GNAS: variants seen among roughly 807,000 people sequenced by gnomAD.
The protein encoded by GNAS is GNAS complex locus, also known as protein ALEX.
GNAS carries 8 observed loss-of-function variants against 54.5 expected under a neutral mutation model. The observed-to-expected ratio is 0.15, with a 90% CI of 0.09 to 0.26. The LOEUF is 0.26. Ranked by LOEUF, GNAS falls within the 10% of genes least tolerant of loss-of-function variation. The probability of loss-of-function intolerance (pLI) is 1.00; values close to 1 mark genes in which losing one functional copy is unlikely to be tolerated. For missense variants in GNAS, 170 were observed against 529.8 expected, an observed-to-expected ratio of 0.32 and a Z score of 6.67; for synonymous variants, 204 against 191.4, an observed-to-expected ratio of 1.07 and a Z score of -0.54.
At chr20:58,844,161 G>A (rs898054837) in intron 1 of GNAS, 1 of 152,132 alleles carries the variant, frequency 6.6e-6, no homozygotes, top group Non-Finnish European at 1.5e-5. Context: ...TCAAGAAGAG[G>A]GAAGCTTTTG....
chr20:58,850,437 T>G (rs1337866360), intron 1 of GNAS: 2 of 397,488 alleles, frequency 5.0e-6, no homozygotes, highest in African/African-American at 4.1e-5. Context: ...AAATGGTACT[T>G]TGGGGGTGAG....
chr20:58,860,951 C>T (rs374311520), intron 1 of GNAS, among the ~76,000 whole-genome samples: 7 of 152,198 alleles, frequency 4.6e-5, no homozygotes, highest in East Asian at 3.9e-4. Context: ...CATGAGCCAC[C>T]GTGCCCAGCC....
At chr20:58,854,341 C>A in intron 1 of GNAS, 2 of 1,588,524 alleles carry the variant, frequency 1.3e-6, no homozygotes, top group Non-Finnish European at 1.7e-6. Flanking sequence ...GAGGAAGCAG[C>A]AGAGATGGAA....
chr20:58,892,115 C>G (rs1600982119), intron 1 of GNAS: 4 of 968,340 alleles, frequency 4.1e-6, no homozygotes, highest in Non-Finnish European at 4.9e-6. Context: ...CCGGCCTGCC[C>G]GCTCAGTGTC....
At position 58,857,651 on chromosome 20, in the gene GNAS, T is replaced by C. The variant is rs2086574947; in HGVS notation, c.43+16765T>C. Among the ~76,000 whole-genome samples, 1 of 152,174 alleles carries C rather than the reference T, an allele frequency of 6.6e-6. No individual in the cohort carries two copies. The highest frequency in any genetic ancestry group is 2.4e-5 in the African/African-American group (1 of 41,424). On this transcript the variant is annotated intron_variant, in intron 1 of 12. Coordinates refer to the GNAS transcript ENST00000306090. The surrounding 1 kb of genome is among the most constrained non-coding windows in gnomAD (Gnocchi z 4.1). The stretch of plus-strand genomic sequence containing the variant: ...CTTTTGCACCATGATTTGAGTCTTC[T>C]ATTCTTCCTGGAGGTGGGGGGTGGA...
chr20:58,900,208 A>AT (rs140801161), intron 3 of GNAS: 533 of 551,564 alleles, frequency 9.7e-4, no homozygotes, highest in African/African-American at 9.3e-3. Context: ...GAAATGACTA[A>AT]TTGACAATCT....
At chr20:58,860,769 T>G (rs1600745567) in intron 1 of GNAS, among the ~76,000 whole-genome samples, 1 of 152,300 alleles carries the variant, frequency 6.6e-6, no homozygotes, top group East Asian at 1.9e-4. Flanking sequence ...CAAGGGATTC[T>G]CCTGCCTCAG....
intron 1 of GNAS, among the ~76,000 whole-genome samples, chr20:58,870,422 C>G (rs2087363546): frequency 6.6e-6 from 1 of 152,258 alleles, no homozygotes; most frequent in East Asian, 1.9e-4. Context: ...GTGGCTGCCT[C>G]TTTCCAACCT....
chr20:58,871,558 G>A (rs1249388157), intron 1 of GNAS, among the ~76,000 whole-genome samples: 2 of 146,230 alleles, frequency 1.4e-5, no homozygotes, highest in Non-Finnish European at 3.0e-5. Context: ...GGTTTGCAGT[G>A]AGCCGAGATT....
intron 1 of GNAS, among the ~76,000 whole-genome samples, chr20:58,860,053 G>A (rs1235460653): frequency 1.3e-5 from 2 of 152,198 alleles, no homozygotes; most frequent in Non-Finnish European, 2.9e-5. Context: ...ATTATTCTAA[G>A]TATACTATGT....
chr20:58,893,391 TC>T (rs1348849980), intron 1 of GNAS, among the ~76,000 whole-genome samples: 1 of 152,224 alleles, frequency 6.6e-6, no homozygotes, highest in Non-Finnish European at 1.5e-5. Context: ...ATGGAAGTTT[TC>T]CACTTCCTTG....
At chr20:58,847,228 A>G (rs991955655) in intron 1 of GNAS, among the ~76,000 whole-genome samples, 1 of 151,696 alleles carries the variant, frequency 6.6e-6, no homozygotes, top group Admixed American at 6.6e-5. Flanking sequence ...GTATTTTCAT[A>G]AAGACTTTTT....
chr20:58,872,905 T>C (rs1478957171), intron 1 of GNAS, among the ~76,000 whole-genome samples: 1 of 152,170 alleles, frequency 6.6e-6, no homozygotes, highest in Non-Finnish European at 1.5e-5. Context: ...CAAAATTTCA[T>C]CCTAATTTGT....
At chr20:58,902,584 C>T (rs1293549456) in intron 3 of GNAS, among the ~76,000 whole-genome samples, 1 of 152,046 alleles carries the variant, frequency 6.6e-6, no homozygotes, top group African/African-American at 2.4e-5. Context: ...GATCTGACCT[C>T]CCCTCCCCCT....
upstream of GNAS, chr20:58,889,330 CGT>C (rs915223141): frequency 3.0e-6 from 3 of 988,720 alleles, no homozygotes; most frequent in African/African-American, 5.3e-5. Flanking sequence ...CGCTGCCTTG[CGT>C]GTGAGTGCAC....
chr20:58,854,246 C>T (rs1370184156), intron 1 of GNAS: 1 of 1,613,122 alleles, frequency 6.2e-7, no homozygotes, highest in Non-Finnish European at 8.5e-7. Flanking sequence ...ACATGGACAG[C>T]CCCCCAATCG....
upstream of GNAS, chr20:58,888,962 C>A: frequency 1.9e-6 from 1 of 526,108 alleles, no homozygotes; most frequent in Non-Finnish European, 2.4e-6. Context: ...GCGCCCCCCG[C>A]CATCGCGGCC....
At chr20:58,854,800 G>A (rs751912596) in intron 1 of GNAS, 5 of 1,581,904 alleles carry the variant, frequency 3.2e-6, no homozygotes, top group African/African-American at 2.7e-5. Flanking sequence ...CAAGTCCGCC[G>A]GGCGGCCTCT....
At chr20:58,854,806 C>T (rs994737493) in intron 1 of GNAS, 3 of 1,585,722 alleles carry the variant, frequency 1.9e-6, no homozygotes, top group Non-Finnish European at 2.6e-6. Flanking sequence ...CGCCGGGCGG[C>T]CTCTGCAGCC....
Sources: gnomAD v4.1 joint callset for allele counts (sites outside exome capture counted in the v4.1 genomes callset) on GRCh38, gnomAD v4.1.1 for gene constraint, Gnocchi (gnomAD v3.1) non-coding constraint, MANE v1.5 for transcripts, NCBI Gene and HGNC (gene_info 2026-07-23, HGNC 2026-07-21) for gene names.